The following CCDC83 variants were observed in gnomAD, a reference collection of about 807,000 sequenced individuals.
CCDC83 encodes coiled-coil domain-containing protein 83.
CCDC83 carries 54 observed loss-of-function variants against 50.1 expected under a neutral mutation model. The ratio of observed to expected loss-of-function variants is 1.08; its 90% CI spans 0.87 to 1.35. The LOEUF (loss-of-function observed/expected upper bound fraction) is 1.35, where lower values mean the gene tolerates loss of function less well. CCDC83 is among the 40% of genes most tolerant of loss of function. The pLI is 0.00. For missense variants in CCDC83, 518 were observed against 473.9 expected (o/e 1.09, Z -0.86); for synonymous variants, 161 against 153.3 (o/e 1.05, Z -0.37).
At chr11:85,859,459 T>G (rs2093162528) in intron 1 of CCDC83, among the ~76,000 whole-genome samples, 1 of 152,058 alleles carries the variant, frequency 6.6e-6, no homozygotes, top group Non-Finnish European at 1.5e-5. Flanking sequence ...CATGGTACTG[T>G]TACAAAAACA....
At position 85,895,359 on chromosome 11, in the gene CCDC83, AC is replaced by A; in HGVS notation, c.580del (p.Gln194LysfsTer11). 2 of 1,582,430 alleles carry A rather than the reference AC, an allele frequency of 1.3e-6. No individual in the cohort carries two copies. The highest frequency in any genetic ancestry group is 1.7e-6 in the Non-Finnish European group (2 of 1,160,550). On this transcript the variant is annotated frameshift_variant, in exon 6 of 11. Transcript: ENST00000342404. LOFTEE classifies it high-confidence loss of function. ...KIIKETLLQLDQKKEWATQNA... is the reference protein window; with the variant it reads ...KIIKETLLQLXQKKEWATQNA... ...ATCAAGGAAACTTTGTTGCAACTGGACCAAAAGAAGGAATGGGCCACACAGG... is the reference window on the plus strand; with the variant it reads ...ATCAAGGAAACTTTGTTGCAACTGGACAAAAGAAGGAATGGGCCACACAGG...
At chr11:85,859,299 T>G (rs2093161726) in intron 1 of CCDC83, among the ~76,000 whole-genome samples, 1 of 152,110 alleles carries the variant, frequency 6.6e-6, no homozygotes, top group Admixed American at 6.6e-5. Context: ...ATGTCATTTT[T>G]CATGGAATTA....
intron 6 of CCDC83, among the ~76,000 whole-genome samples, chr11:85,896,392 C>A (rs112972602): frequency 2.6e-5 from 3 of 116,410 alleles, no homozygotes; most frequent in African/African-American, 3.5e-5. Context: ...CAAAGTGAGA[C>A]CTTGTCTCAA....
intron 1 of CCDC83, among the ~76,000 whole-genome samples, chr11:85,859,181 C>CAAAAA (rs1566065773): frequency 2.6e-5 from 2 of 76,048 alleles, no homozygotes; most frequent in African/African-American, 5.1e-5. Flanking sequence ...AAAAAAAAAA[C>CAAAAA]CCCTAGGAAT....
At chr11:85,888,499 CTT>C (rs1421475352) in intron 5 of CCDC83, among the ~76,000 whole-genome samples, 2 of 152,216 alleles carry the variant, frequency 1.3e-5, no homozygotes, top group African/African-American at 2.4e-5. Flanking sequence ...TTGTGGCACT[CTT>C]TACATTTTAA....
chr11:85,895,601 G>A (rs1565148762), intron 6 of CCDC83, among the ~76,000 whole-genome samples: 1 of 152,108 alleles, frequency 6.6e-6, no homozygotes, highest in African/African-American at 2.4e-5. Context: ...CCAAACCTAA[G>A]AACGTGGATT....
chr11:85,878,411 G>C (rs2093280072), intron 3 of CCDC83, among the ~76,000 whole-genome samples: 1 of 152,166 alleles, frequency 6.6e-6, no homozygotes, highest in Non-Finnish European at 1.5e-5. Context: ...CTTCAGGAAT[G>C]TTATACAAAT....
intron 1 of CCDC83, among the ~76,000 whole-genome samples, chr11:85,862,304 T>C (rs1016367586): frequency 1.1e-4 from 17 of 152,298 alleles, no homozygotes; most frequent in African/African-American, 3.8e-4. Context: ...AAACCCAGGA[T>C]GCTCACCTGT....
At chr11:85,901,747 G>T (rs1452016459) in intron 7 of CCDC83, among the ~76,000 whole-genome samples, 1 of 151,826 alleles carries the variant, frequency 6.6e-6, no homozygotes, top group African/African-American at 2.4e-5. Context: ...GAAAGAATAA[G>T]AACCAGAGCA....
At chr11:85,882,079 C>T (rs2093303334) in intron 3 of CCDC83, among the ~76,000 whole-genome samples, 1 of 151,866 alleles carries the variant, frequency 6.6e-6, no homozygotes. Context: ...TTTGAGAGGT[C>T]AAGGGAGTTT....
chr11:85,865,239 C>T lies in CCDC83; in HGVS notation c.95+21C>T, dbSNP rs374138415. On this transcript the variant is annotated intron_variant, in intron 2 of 10. Coordinates refer to ENST00000342404, the MANE Select transcript of CCDC83 (RefSeq NM_001286159.2). Reference sequence around the variant, plus strand: ...TATCAGTAAGTTTTTATTCTGAAATCTGAAAGTTGCCATAGATAAAAGGCA... The same window carrying T: ...TATCAGTAAGTTTTTATTCTGAAATTTGAAAGTTGCCATAGATAAAAGGCA... The T allele has an allele frequency of 2.1e-5, 30 of 1,414,356 alleles. No homozygotes were observed. In the African/African-American group the frequency reaches 3.8e-4, roughly 18 times the overall value. 87.6% of individuals were successfully genotyped at this position (1,414,356 alleles called of 1,614,324 possible). A position where few individuals can be genotyped will look rare whatever the true frequency, so the allele number is the denominator to read the frequency against.
intron 10 of CCDC83, among the ~76,000 whole-genome samples, chr11:85,917,154 G>GAAAGAAAGAAAGAA (rs1407223054): frequency 2.9e-5 from 2 of 69,708 alleles, no homozygotes; most frequent in African/African-American, 5.3e-5. Flanking sequence ...GAGAGAGAGA[G>GAAAGAAAGAAAGAA]AGAGAGAGAG....
intron 6 of CCDC83, among the ~76,000 whole-genome samples, chr11:85,895,915 GCAATC>G (rs1411308643): frequency 1.3e-5 from 2 of 152,156 alleles, no homozygotes; most frequent in African/African-American, 4.8e-5. Context: ...TTGGGCTCAA[GCAATC>G]CTCTCACGTC....
intron 7 of CCDC83, among the ~76,000 whole-genome samples, chr11:85,910,336 T>C (rs968511984): frequency 6.6e-6 from 1 of 152,242 alleles, no homozygotes; most frequent in Non-Finnish European, 1.5e-5. Context: ...CAAAGTGTAA[T>C]ATCATTTCTG....
At chr11:85,887,580 C>G (rs1006877590) in intron 5 of CCDC83, among the ~76,000 whole-genome samples, 2 of 152,108 alleles carry the variant, frequency 1.3e-5, no homozygotes, top group African/African-American at 4.8e-5. Context: ...AGAGTGCCAG[C>G]CTGCTACTCC....
chr11:85,896,558 T>C (rs2093376867), intron 6 of CCDC83, among the ~76,000 whole-genome samples: 1 of 152,050 alleles, frequency 6.6e-6, no homozygotes, highest in African/African-American at 2.4e-5. Flanking sequence ...ATAATGGTTG[T>C]AACAAAATAT....
chr11:85,858,349 G>C (rs1430118075), intron 1 of CCDC83, among the ~76,000 whole-genome samples: 1 of 152,170 alleles, frequency 6.6e-6, no homozygotes, highest in African/African-American at 2.4e-5. Flanking sequence ...TCCCGTGATG[G>C]CCCCTTCAAG....
At chr11:85,858,927 A>G (rs1198960887) in intron 1 of CCDC83, among the ~76,000 whole-genome samples, 2 of 152,142 alleles carry the variant, frequency 1.3e-5, no homozygotes, top group Non-Finnish European at 2.9e-5. Flanking sequence ...TCTCTGTTTT[A>G]TAGGAGTTAG....
At chr11:85,911,175 T>C in intron 7 of CCDC83, 106 bp from the exon 8 acceptor site, 1 of 651,610 alleles carries the variant, frequency 1.5e-6, no homozygotes, top group Non-Finnish European at 2.0e-6. Flanking sequence ...CCGTCTCAAA[T>C]AAAAAAAAAA....
Sources: allele counts gnomAD v4.1 joint callset (sites outside exome capture counted in the v4.1 genomes callset), GRCh38; gene constraint gnomAD v4.1.1; transcripts MANE v1.5; gene names NCBI Gene and HGNC (gene_info 2026-07-23, HGNC 2026-07-21).